The following LDB2 variants were observed in gnomAD, a reference collection of about 807,000 sequenced individuals.
LDB2 encodes LIM domain binding 2, also known as LIM domain-binding protein 2.
A neutral mutation model predicts 44.3 loss-of-function variants in LDB2; 12 were observed. The ratio of observed to expected loss-of-function variants is 0.27; its 90% confidence interval spans 0.17 to 0.44. The LOEUF (loss-of-function observed/expected upper bound fraction) is 0.44, where lower values mean the gene tolerates loss of function less well. Ranked by LOEUF, LDB2 falls within the 20% of genes least tolerant of loss-of-function variation. The pLI, the probability that LDB2 is intolerant of heterozygous loss-of-function variation, is 1.00. For synonymous variants in LDB2, 164 were observed against 174.8 expected, an observed-to-expected ratio of 0.94 and a Z score of 0.49; for missense variants, 344 against 473.5, an observed-to-expected ratio of 0.73 and a Z score of 2.54.
intron 1 of LDB2, among the ~76,000 whole-genome samples, chr4:16,827,867 C>T (rs1217178758): frequency 3.3e-5 from 5 of 152,186 alleles, no homozygotes; most frequent in Non-Finnish European, 5.9e-5. Context: ...TTGGGCCAGA[C>T]CTCCCGACCC....
intron 1 of LDB2, among the ~76,000 whole-genome samples, chr4:16,780,899 T>C (rs1275341846): frequency 6.6e-6 from 1 of 152,192 alleles, no homozygotes. Context: ...CAGTGAGATG[T>C]CTAATAAAGT....
chr4:16,799,654 T>C (rs1579777861), intron 1 of LDB2, among the ~76,000 whole-genome samples: 1 of 152,160 alleles, frequency 6.6e-6, no homozygotes, highest in Non-Finnish European at 1.5e-5. Context: ...GGCAAAAGCA[T>C]GGGAAATGCA....
chr4:16,584,404 C>T (rs529012511), intron 5 of LDB2, among the ~76,000 whole-genome samples: 3 of 152,334 alleles, frequency 2.0e-5, no homozygotes, highest in South Asian at 2.1e-4. Context: ...TGCAGTGAAG[C>T]GCATGGATTC....
chr4:16,756,707 C>T (rs1292441061), intron 2 of LDB2, among the ~76,000 whole-genome samples: 1 of 151,974 alleles, frequency 6.6e-6, no homozygotes, highest in African/African-American at 2.4e-5. Context: ...GAGAACTCAG[C>T]AATTAACAAA....
At chr4:16,684,793 C>T (rs763876730) in intron 2 of LDB2, among the ~76,000 whole-genome samples, 1 of 152,160 alleles carries the variant, frequency 6.6e-6, no homozygotes, top group Non-Finnish European at 1.5e-5. Context: ...AGGCCAATAA[C>T]AAGTATTAAC....
intron 5 of LDB2, among the ~76,000 whole-genome samples, chr4:16,542,330 G>A (rs753890007): frequency 3.9e-5 from 6 of 152,168 alleles, no homozygotes; most frequent in South Asian, 2.1e-4. Context: ...CCTGGATGGC[G>A]ATAAATGCCA....
chr4:16,659,689 A>ATATATATATG (rs1310756163), intron 2 of LDB2, among the ~76,000 whole-genome samples: 3 of 140,654 alleles, frequency 2.1e-5, no homozygotes, highest in South Asian at 2.4e-4. Flanking sequence ...ATATATATAT[A>ATATATATATG]TATGTATGTA....
chr4:16,592,051 C>T (rs1339579436), intron 3 of LDB2, among the ~76,000 whole-genome samples: 2 of 152,132 alleles, frequency 1.3e-5, no homozygotes, highest in Non-Finnish European at 1.5e-5. Context: ...GATGTAATCC[C>T]AGCAGACACA....
At position 16,520,873 on chromosome 4, in the gene LDB2, A is replaced by C. The variant is rs755440490; in HGVS notation, c.616-8769T>G. Among the ~76,000 whole-genome samples, 4 of 152,118 alleles carry C rather than the reference A, an allele frequency of 2.6e-5. No homozygotes were observed. The East Asian group carries it at 5.8e-4, about 22-fold the overall frequency. ...GTTAGGCCCATGAAGAGACCATTCA[A>C]GGCCCCTTCTGTTCTGTTCTTTACC... On this transcript the variant is annotated intron_variant, in intron 5 of 7. Coordinates refer to ENST00000304523, the MANE Select transcript of LDB2 (RefSeq NM_001290.5).
chr4:16,555,598 C>A (rs1396801839), intron 5 of LDB2, among the ~76,000 whole-genome samples: 2 of 152,086 alleles, frequency 1.3e-5, no homozygotes, highest in African/African-American at 4.8e-5. Context: ...CCTGGAATAC[C>A]CTTTCTCTCC....
At chr4:16,773,052 C>T (rs1023925505) in intron 1 of LDB2, among the ~76,000 whole-genome samples, 2 of 151,966 alleles carry the variant, frequency 1.3e-5, no homozygotes, top group African/African-American at 2.4e-5. Context: ...GCTTTTCACC[C>T]GCAAATAATA....
chr4:16,818,362 G>A (rs1469932033), intron 1 of LDB2, among the ~76,000 whole-genome samples: 1 of 152,200 alleles, frequency 6.6e-6, no homozygotes, highest in Non-Finnish European at 1.5e-5. Context: ...ACTCCAGGCA[G>A]AACGCAAAGA....
intron 1 of LDB2, among the ~76,000 whole-genome samples, chr4:16,879,320 C>A (rs1016959400): frequency 1.3e-5 from 2 of 152,174 alleles, no homozygotes; most frequent in Non-Finnish European, 2.9e-5. Context: ...TATGTGTCAA[C>A]TTGACTGAGC....
rs116659275 is a variant in LDB2 at position 16,659,215 on chromosome 4, T to C, written c.236-63340A>G. On this transcript the variant is annotated intron_variant, in intron 2 of 7. Coordinates refer to ENST00000304523, the MANE Select transcript of LDB2 (RefSeq NM_001290.5). ...TGAAATTGCATGTGTGGAAAAGGCC[T>C]GAGATGTACTTGGCAGCTTGATCTT... Among the ~76,000 whole-genome samples, 181 of 152,282 alleles carry C rather than the reference T, an allele frequency of 1.2e-3. 1 individual carries two copies. The highest frequency in any genetic ancestry group is 4.3e-3 in the African/African-American group (177 of 41,568).
At chr4:16,614,580 CAAAAAAAAAA>C (rs1164613202) in intron 2 of LDB2, among the ~76,000 whole-genome samples, 2 of 53,810 alleles carry the variant, frequency 3.7e-5, no homozygotes, top group South Asian at 1.6e-3. Context: ...CAAGAAAAAA[CAAAAAAAAAA>C]AAAAAAAAAA....
At chr4:16,790,502 C>T (rs1379973335) in intron 1 of LDB2, among the ~76,000 whole-genome samples, 1 of 149,986 alleles carries the variant, frequency 6.7e-6, no homozygotes, top group Non-Finnish European at 1.5e-5. Flanking sequence ...TTTGGTTTTC[C>T]ATAGGAAAAA....
At chr4:16,721,641 C>T (rs1245391060) in intron 2 of LDB2, among the ~76,000 whole-genome samples, 1 of 152,068 alleles carries the variant, frequency 6.6e-6, no homozygotes, top group Non-Finnish European at 1.5e-5. Context: ...GAGCAACAAA[C>T]CTAAATTGTG....
At chr4:16,693,858 A>G (rs1248778381) in intron 2 of LDB2, among the ~76,000 whole-genome samples, 3 of 152,216 alleles carry the variant, frequency 2.0e-5, no homozygotes, top group Non-Finnish European at 4.4e-5. Context: ...CAGGAATTCC[A>G]GGGGAGACCT....
intron 1 of LDB2, among the ~76,000 whole-genome samples, chr4:16,760,345 G>T (rs896896396): frequency 4.6e-5 from 7 of 152,072 alleles, no homozygotes; most frequent in African/African-American, 1.7e-4. Context: ...TCACTGGCAG[G>T]CCTTAGGAAT....
Sources: gnomAD v4.1 joint callset for allele counts (sites outside exome capture counted in the v4.1 genomes callset) on GRCh38, gnomAD v4.1.1 for gene constraint, MANE v1.5 for transcripts, NCBI Gene and HGNC (gene_info 2026-07-23, HGNC 2026-07-21) for gene names.